CHN1: variants seen among roughly 807,000 people sequenced by gnomAD.
The protein encoded by CHN1 is chimerin 1.
A neutral mutation model predicts 59.5 loss-of-function variants in CHN1; 37 were observed. The observed-to-expected ratio is 0.62, with a 90% CI of 0.48 to 0.82. The LOEUF (loss-of-function observed/expected upper bound fraction) is 0.82, where lower values mean the gene tolerates loss of function less well. Ranked by LOEUF, CHN1 falls within the 40% of genes least tolerant of loss-of-function variation. The probability of loss-of-function intolerance (pLI) is 0.00; values close to 1 mark genes in which losing one functional copy is unlikely to be tolerated. For missense variants in CHN1, 469 were observed against 571.0 expected, an observed-to-expected ratio of 0.82 and a Z score of 1.82; for synonymous variants, 206 against 200.4, an observed-to-expected ratio of 1.03 and a Z score of -0.24.
At chr2:174,891,124 G>C (rs1688030533) in intron 5 of CHN1, among the ~76,000 whole-genome samples, 1 of 93,310 alleles carries the variant, frequency 1.1e-5, no homozygotes, top group Non-Finnish European at 1.9e-5. Context: ...TTGGGCGACA[G>C]AGCAAGACTC....
chr2:174,885,092 C>A (rs2105340808), intron 5 of CHN1, among the ~76,000 whole-genome samples: 1 of 151,600 alleles, frequency 6.6e-6, no homozygotes, highest in South Asian at 2.1e-4. Flanking sequence ...TCAAGACCAT[C>A]CTGGCTAACA....
rs537247967 is a variant in CHN1, at chr2:174,934,970, T to G, written c.114+9918A>C. Among the ~76,000 whole-genome samples the G allele has an allele frequency of 5.9e-5, 9 of 152,328 alleles. No individual in the cohort carries two copies. In the South Asian group the frequency reaches 1.7e-3, roughly 28 times the overall value. On this transcript the variant is annotated intron_variant, in intron 3 of 12. Transcript: ENST00000409900. ...AACCAGTCTTTTTGTCTCTAAAATA[T>G]CCATCCTCTTCCCTGCAGCCAGTTG...
rs540368728 is a variant in CHN1 at position 174,975,669 on chromosome 2, A to C, written c.20-23467T>G. On this transcript the variant is annotated intron_variant, in intron 1 of 12. Coordinates refer to ENST00000409900, the MANE Select transcript of CHN1 (RefSeq NM_001822.7). ...AACAAAACAAACAAAAAAAAAAAAA[A>C]CAGAAGCAATGATAAGCTAGAATCT... Among the ~76,000 whole-genome samples the C allele has an allele frequency of 2.9e-3, 444 of 152,062 alleles. 1 individual carries two copies. The highest frequency in any genetic ancestry group is 3.9e-3 in the Admixed American group (59 of 15,252).
At chr2:174,896,452 T>TA (rs1366937828) in intron 5 of CHN1, among the ~76,000 whole-genome samples, 3 of 152,176 alleles carry the variant, frequency 2.0e-5, no homozygotes, top group African/African-American at 7.2e-5. Context: ...CACGGTTTTC[T>TA]AAAAAGCATA....
chr2:174,938,326 CTATT>C (rs1689558900), intron 3 of CHN1, among the ~76,000 whole-genome samples: 1 of 152,184 alleles, frequency 6.6e-6, no homozygotes, highest in South Asian at 2.1e-4. Flanking sequence ...CTCTATCCCA[CTATT>C]TAATCCTTTA....
At chr2:174,898,472 C>T (rs796297870) in intron 5 of CHN1, among the ~76,000 whole-genome samples, 1 of 149,220 alleles carries the variant, frequency 6.7e-6, no homozygotes, top group Non-Finnish European at 1.5e-5. Context: ...GGCTTGGTGG[C>T]GCACACCTGT....
At chr2:174,991,646 T>G (rs1045904358) in intron 1 of CHN1, among the ~76,000 whole-genome samples, 2 of 152,218 alleles carry the variant, frequency 1.3e-5, no homozygotes, top group Non-Finnish European at 2.9e-5. Context: ...ATTTTTTCTG[T>G]TAAAGCCTGA....
intron 1 of CHN1, among the ~76,000 whole-genome samples, chr2:174,970,496 C>A (rs1179899831): frequency 6.6e-6 from 1 of 152,134 alleles, no homozygotes; most frequent in Admixed American, 6.5e-5. Context: ...CCACCATGAG[C>A]TTGACAGTTT....
At chr2:174,993,692 A>G (rs1295499560) in intron 1 of CHN1, among the ~76,000 whole-genome samples, 1 of 152,166 alleles carries the variant, frequency 6.6e-6, no homozygotes, top group Non-Finnish European at 1.5e-5. Context: ...AGAGGGAAAC[A>G]ACCCAAAGGA....
At chr2:174,893,005 C>T (rs1258097843) in intron 5 of CHN1, among the ~76,000 whole-genome samples, 1 of 152,094 alleles carries the variant, frequency 6.6e-6, no homozygotes, top group Non-Finnish European at 1.5e-5. Flanking sequence ...AAGCCCTCAC[C>T]TTATATCAAA....
chr2:174,877,981 C>T lies in CHN1; in HGVS notation c.408G>A (p.Lys136=), dbSNP rs1423042535. The part of the protein sequence containing the change: ...IETKAAEYIA[K]MTINPIYEHV... ...GCTCATAAATTGGGTTTATCGTCATCTTGGCAATGTATTCTGCTGCCTTGG... is the reference window on the plus strand; with the variant it reads ...GCTCATAAATTGGGTTTATCGTCATTTTGGCAATGTATTCTGCTGCCTTGG... The change falls in exon 6 of 13, where the codon AAG becomes AAA. Residue 136 remains lysine (K), a synonymous_variant. Transcript: ENST00000409900. The T allele has an allele frequency of 6.2e-7, 1 of 1,613,828 alleles. No homozygotes were observed. The highest frequency in any genetic ancestry group is 2.2e-5 in the East Asian group (1 of 44,870).
intron 1 of CHN1, among the ~76,000 whole-genome samples, chr2:174,953,964 A>G: frequency 6.6e-6 from 1 of 152,160 alleles, no homozygotes; most frequent in Non-Finnish European, 1.5e-5. Context: ...TATGGAACCA[A>G]AAGAGAGCCT....
At chr2:174,817,028 T>G (rs963037129) in intron 8 of CHN1, among the ~76,000 whole-genome samples, 1 of 152,146 alleles carries the variant, frequency 6.6e-6, no homozygotes, top group Non-Finnish European at 1.5e-5. Context: ...AGAACTGACT[T>G]TGAAATCTTA....
At chr2:174,853,289 T>G (rs1307542232) in intron 6 of CHN1, among the ~76,000 whole-genome samples, 1 of 151,962 alleles carries the variant, frequency 6.6e-6, no homozygotes, top group Non-Finnish European at 1.5e-5. Context: ...GCAAAGGACA[T>G]GAACAAACAC....
intron 5 of CHN1, among the ~76,000 whole-genome samples, chr2:174,879,121 C>A (rs759578052): frequency 6.6e-5 from 10 of 152,144 alleles, no homozygotes; most frequent in Admixed American, 2.6e-4. Context: ...TATTTAATTT[C>A]ATTGTTAAAA....
At chr2:174,898,866 G>T (rs1372168980) in intron 5 of CHN1, among the ~76,000 whole-genome samples, 2 of 152,088 alleles carry the variant, frequency 1.3e-5, no homozygotes, top group Admixed American at 6.6e-5. Flanking sequence ...GTATAAACAG[G>T]AAGTCCCTAA....
At chr2:174,850,217 T>C (rs1162240958) in intron 6 of CHN1, among the ~76,000 whole-genome samples, 1 of 152,212 alleles carries the variant, frequency 6.6e-6, no homozygotes, top group Non-Finnish European at 1.5e-5. Flanking sequence ...CTACCTCATA[T>C]CAGTTATCTG....
rs571064109 is a variant in CHN1 at position 174,808,953 on chromosome 2, T to C, written c.1054A>G (p.Ile352Val). 13 of 1,613,764 alleles carry C rather than the reference T, an allele frequency of 8.1e-6. No homozygotes were observed. The highest frequency in any genetic ancestry group is 2.7e-5 in the African/African-American group (2 of 75,046). ...ALKLYFRDLP[I>V]PLITYDAYPK... ...TAGGCATCATATGTAATGAGTGGAA[T>C]TGGCAAATCCCTGAAGTACAGTTTA... Residue 352 changes from isoleucine to valine, a missense_variant, in exon 11 of 13, where the codon ATT becomes GTT. Ile to Val is a conservative substitution (Grantham distance 29). This residue lies in a region of CHN1 where 225 missense variants were observed against 289.9 expected (regional missense o/e 0.78). Coordinates refer to ENST00000409900, the MANE Select transcript of CHN1 (RefSeq NM_001822.7).
At chr2:174,928,725 G>A (rs1009950413) in intron 3 of CHN1, among the ~76,000 whole-genome samples, 5 of 152,174 alleles carry the variant, frequency 3.3e-5, no homozygotes, top group Non-Finnish European at 7.4e-5. Flanking sequence ...CCAAGGAAAG[G>A]CTAGAATCAG....
Sources: gnomAD v4.1 joint callset for allele counts (sites outside exome capture counted in the v4.1 genomes callset) on GRCh38, gnomAD v4.1.1 for gene constraint, gnomAD v4.1.1 regional missense constraint, MANE v1.5 for transcripts, NCBI Gene and HGNC (gene_info 2026-07-23, HGNC 2026-07-21) for gene names.